ASTN1: variants seen among roughly 807,000 people sequenced by gnomAD.
ASTN1 encodes the protein astrotactin-1.
ASTN1 carries 41 observed loss-of-function variants against 140.7 expected under a neutral mutation model. That is an observed-to-expected ratio of 0.29 (90% CI 0.23 to 0.38). The LOEUF (loss-of-function observed/expected upper bound fraction) is 0.38. ASTN1 is among the 10% of genes least tolerant of loss of function. ASTN1 has a pLI of 1.00. For synonymous variants in ASTN1, 640 were observed against 652.2 expected, an observed-to-expected ratio of 0.98 and a Z score of 0.29; for missense variants, 1,479 against 1,678.8, an observed-to-expected ratio of 0.88 and a Z score of 2.08.
chr1:176,942,879 A>G (rs1237656368), intron 14 of ASTN1, among the ~76,000 whole-genome samples: 1 of 86,370 alleles, frequency 1.2e-5, no homozygotes, highest in Admixed American at 1.6e-4. Context: ...TTGATGTCTC[A>G]TGTCTCCTTA....
At chr1:177,152,958 C>CA (rs1683101443) in intron 1 of ASTN1, among the ~76,000 whole-genome samples, 1 of 152,088 alleles carries the variant, frequency 6.6e-6, no homozygotes, top group South Asian at 2.1e-4. Flanking sequence ...ATAAAGGTGA[C>CA]ATCTCAAATC....
intron 20 of ASTN1, among the ~76,000 whole-genome samples, chr1:176,881,548 T>C (rs1446572599): frequency 2.0e-5 from 3 of 152,196 alleles, no homozygotes; most frequent in Non-Finnish European, 4.4e-5. Flanking sequence ...TTAGGTGGTC[T>C]GCACTCCCAA....
chr1:177,049,538 G>A (rs1356192736), intron 2 of ASTN1, among the ~76,000 whole-genome samples: 2 of 152,144 alleles, frequency 1.3e-5, no homozygotes, highest in Non-Finnish European at 2.9e-5. Context: ...CTATGTAGAT[G>A]AGCAAACTGA....
rs1383313957 is a variant in ASTN1 at position 176,970,729 on chromosome 1, T to TGG, written c.1524-5494_1524-5493dup. Among the ~76,000 whole-genome samples the TGG allele has an allele frequency of 6.1e-3, 390 of 63,704 alleles. 7 individuals are homozygous for TGG. Among genetic ancestry groups the TGG allele is most frequent in the Admixed American group, 0.051 (310 of 6,098 alleles). The allele number at this position is 63,704 out of a possible 152,430, so 41.8% of individuals were successfully genotyped here. A position where few individuals can be genotyped will look rare whatever the true frequency, so the allele number is the denominator to read the frequency against. On this transcript the variant is annotated intron_variant, in intron 8 of 22. Coordinates refer to ENST00000361833, the MANE Select transcript of ASTN1 (RefSeq NM_004319.3). ...ATCTGTGTATATATGAATGTGGGTA[T>TGG]GGGTGTGTGTGTGTGTGTGTGTGTG...
intron 17 of ASTN1, among the ~76,000 whole-genome samples, chr1:176,888,573 T>C (rs563774610): frequency 2.3e-4 from 35 of 152,210 alleles, no homozygotes; most frequent in Non-Finnish European, 4.6e-4. Flanking sequence ...TGGCTACTCT[T>C]CCCTCTGCCC....
chr1:176,904,184 G>A (rs949079652), intron 16 of ASTN1, among the ~76,000 whole-genome samples: 2 of 152,162 alleles, frequency 1.3e-5, no homozygotes, highest in African/African-American at 2.4e-5. Flanking sequence ...TGGCGGGAGA[G>A]CCCTTCCCTG....
At chr1:176,866,546 C>G (rs566772970) in intron 22 of ASTN1, among the ~76,000 whole-genome samples, 1 of 152,270 alleles carries the variant, frequency 6.6e-6, no homozygotes, top group South Asian at 2.1e-4. Context: ...GGAGGGACAA[C>G]ATCAGCATCA....
intron 1 of ASTN1, among the ~76,000 whole-genome samples, chr1:177,095,978 C>T (rs1680008627): frequency 6.6e-6 from 1 of 152,208 alleles, no homozygotes. Context: ...AACATCAAGT[C>T]AGAAAAGACT....
intron 2 of ASTN1, among the ~76,000 whole-genome samples, chr1:177,033,811 A>G (rs550192847): frequency 2.0e-5 from 3 of 152,246 alleles, no homozygotes; most frequent in South Asian, 4.1e-4. Context: ...GCCAGAGGTG[A>G]GGATGCAGAA....
intron 8 of ASTN1, among the ~76,000 whole-genome samples, chr1:176,980,434 T>C (rs1673561313): frequency 6.6e-6 from 1 of 151,836 alleles, no homozygotes; most frequent in African/African-American, 2.4e-5. Flanking sequence ...ATGGCTGGTT[T>C]TACAGAATGC....
chr1:176,946,804 A>G (rs1229999084), intron 12 of ASTN1, among the ~76,000 whole-genome samples: 1 of 152,230 alleles, frequency 6.6e-6, no homozygotes, highest in Non-Finnish European at 1.5e-5. Context: ...TTAGGATGGA[A>G]AAGCAACATC....
At chr1:177,002,239 A>T (rs1256577590) in intron 8 of ASTN1, among the ~76,000 whole-genome samples, 1 of 152,180 alleles carries the variant, frequency 6.6e-6, no homozygotes, top group Non-Finnish European at 1.5e-5. Context: ...GGAAGGAAAA[A>T]GTCACCCCAA....
At chr1:177,061,435 G>A (rs1161174748) in intron 1 of ASTN1, among the ~76,000 whole-genome samples, 170 bp from the exon 2 acceptor site, 1 of 152,184 alleles carries the variant, frequency 6.6e-6, no homozygotes, top group Non-Finnish European at 1.5e-5. Flanking sequence ...CAAGGAAGAG[G>A]AGAGACCCTG....
chr1:176,953,387 A>G (rs932150260), intron 11 of ASTN1, among the ~76,000 whole-genome samples: 10 of 152,190 alleles, frequency 6.6e-5, no homozygotes, highest in Admixed American at 1.3e-4. Flanking sequence ...TGCAACTATA[A>G]TTCCTATTAG....
At chr1:177,159,902 G>A (rs11588719) in intron 1 of ASTN1, among the ~76,000 whole-genome samples, 16,831 of 152,214 alleles carry the variant, frequency 0.11, 1,188 homozygotes, top group African/African-American at 0.2. Context: ...ATAAATAAGT[G>A]AGAATTCCCA....
intron 8 of ASTN1, among the ~76,000 whole-genome samples, chr1:177,009,506 G>C (rs918406633): frequency 6.6e-6 from 1 of 152,190 alleles, no homozygotes; most frequent in Non-Finnish European, 1.5e-5. Context: ...TGGGACATTT[G>C]CTCCTTATAA....
At chr1:176,906,638 G>T (rs1407607220) in intron 16 of ASTN1, among the ~76,000 whole-genome samples, 2 of 152,054 alleles carry the variant, frequency 1.3e-5, no homozygotes, top group African/African-American at 4.8e-5. Context: ...CAGATCGTTT[G>T]AGGTCAGGAG....
At chr1:177,155,936 T>C (rs191460724) in intron 1 of ASTN1, among the ~76,000 whole-genome samples, 1 of 152,196 alleles carries the variant, frequency 6.6e-6, no homozygotes, top group African/African-American at 2.4e-5. Context: ...ACAAGCACAC[T>C]TAGTTCCCGG....
chr1:176,946,478 G>C, intron 12 of ASTN1, among the ~76,000 whole-genome samples: 1 of 152,274 alleles, frequency 6.6e-6, no homozygotes, highest in Non-Finnish European at 1.5e-5. Context: ...AGATATTCTA[G>C]AGCTTTTCTT....
Sources: allele counts gnomAD v4.1 joint callset (sites outside exome capture counted in the v4.1 genomes callset), GRCh38; gene constraint gnomAD v4.1.1; transcripts MANE v1.5; gene names NCBI Gene and HGNC (gene_info 2026-07-23, HGNC 2026-07-21).